The following GLIPR1L1 variants were observed in gnomAD, a reference collection of about 807,000 sequenced individuals.
GLIPR1L1 encodes GLIPR1 like 1, also known as GLIPR1-like protein 1.
Under a neutral mutation model 29.9 loss-of-function variants are expected in GLIPR1L1, and 26 were observed. That is an observed-to-expected ratio of 0.87 (90% CI 0.64 to 1.21). GLIPR1L1 has a LOEUF of 1.21. GLIPR1L1 is among the 50% of genes most tolerant of loss of function. The pLI, the probability that GLIPR1L1 is intolerant of heterozygous loss-of-function variation, is 0.00. For missense variants in GLIPR1L1, 305 were observed against 290.3 expected (o/e 1.05, Z -0.37); for synonymous variants, 77 against 97.5 (o/e 0.79, Z 1.24).
chr12:75,354,317 A>G (rs2043009528), intron 3 of GLIPR1L1, among the ~76,000 whole-genome samples: 1 of 152,100 alleles, frequency 6.6e-6, no homozygotes, highest in Admixed American at 6.6e-5. Context: ...AAAAAGTCAC[A>G]AGCATTCCTG....
chr12:75,334,917 G>A lies in GLIPR1L1; in HGVS notation c.174+15G>A, dbSNP rs761650107. On this transcript the variant is annotated intron_variant, in intron 1 of 5. Coordinates refer to ENST00000378695, the MANE Select transcript of GLIPR1L1 (RefSeq NM_001304964.2). ...TGAAATACATGGTGAGAAAGAACCA[G>A]GGCTGGGCTCTTAAATCCCTGACTC... The A allele has an allele frequency of 6.2e-7, 1 of 1,610,062 alleles. No homozygotes were observed. The highest frequency in any genetic ancestry group is 8.5e-7 in the Non-Finnish European group (1 of 1,177,756).
At chr12:75,365,347 GA>G (rs1305448485) in intron 4 of GLIPR1L1, 1 of 152,102 alleles carries the variant, frequency 6.6e-6, no homozygotes, top group Non-Finnish European at 1.5e-5. Context: ...ACAGAAAAAG[GA>G]AAGTATTCAT....
rs1185408752 is a variant in GLIPR1L1 at position 75,341,747 on chromosome 12, CTTTTTTTT to C, written c.175-1929_175-1922del. 1.3e-4 allele frequency among the ~76,000 whole-genome samples: 11 copies of C among 83,406 alleles called. No homozygotes were observed. In the South Asian group the frequency reaches 4.1e-3, roughly 31 times the overall value. 54.7% of individuals were successfully genotyped at this position (83,406 alleles called of 152,430 possible). On this transcript the variant is annotated intron_variant, in intron 1 of 5. Transcript: ENST00000378695. ...AGGCGTGAGCCACCGCGCCCGGCCT[CTTTTTTTT>C]TTTTTTTTTTTTTTTTGAGATGGAG...
At chr12:75,335,513 C>T (rs951072978) in intron 1 of GLIPR1L1, among the ~76,000 whole-genome samples, 1 of 152,104 alleles carries the variant, frequency 6.6e-6, no homozygotes, top group Non-Finnish European at 1.5e-5. Context: ...TTTATAAATG[C>T]ATCACTATGA....
At chr12:75,346,143 A>G (rs2042429746) in intron 2 of GLIPR1L1, among the ~76,000 whole-genome samples, 1 of 152,228 alleles carries the variant, frequency 6.6e-6, no homozygotes, top group South Asian at 2.1e-4. Context: ...CACGATTCCA[A>G]AAGCCCCAAA....
intron 3 of GLIPR1L1, among the ~76,000 whole-genome samples, chr12:75,361,763 C>T (rs144582023): frequency 1.0e-3 from 153 of 152,222 alleles, no homozygotes; most frequent in African/African-American, 3.5e-3. Flanking sequence ...ATAAGAACAG[C>T]ATGAGGGAAA....
Position 75,370,122 on chromosome 12 carries a change from G to T in GLIPR1L1, c.675G>T (p.Gln225His), listed in dbSNP as rs1247627123. ...PFLKPTGRAP[Q>H]QTAFNPFSLG... ...TGAAGCCAACGGGGAGAGCACCTCA[G>T]CAGACAGCCTTTAATCCATTCAGCT... The change falls in exon 6 of 6, where the codon CAG becomes CAT. Residue 225 changes from glutamine (Q) to histidine (H), a missense_variant. Coordinates refer to ENST00000378695, the MANE Select transcript of GLIPR1L1 (RefSeq NM_001304964.2). 6.2e-7 allele frequency: 1 copy of T among 1,608,158 alleles called. No individual in the cohort carries two copies. Among genetic ancestry groups the T allele is most frequent in the Admixed American group, 1.7e-5 (1 of 59,988 alleles).
chr12:75,347,605 A>G lies in GLIPR1L1; in HGVS notation c.421-17A>G. The G allele has an allele frequency of 6.6e-7, 1 of 1,524,682 alleles. No individual in the cohort carries two copies. The highest frequency in any genetic ancestry group is 9.1e-7 in the Non-Finnish European group (1 of 1,100,778). 94.4% of individuals were successfully genotyped at this position (1,524,682 alleles called of 1,614,324 possible). A position where few individuals can be genotyped will look rare whatever the true frequency, so the allele number is the denominator to read the frequency against. On this transcript the variant is annotated splice_polypyrimidine_tract_variant and intron_variant, in intron 2 of 5. Coordinates refer to ENST00000378695, the MANE Select transcript of GLIPR1L1 (RefSeq NM_001304964.2). ...ATTGTTTTCCATATTTTATCTTGAC[A>G]TTCCTTTTCTTTATAGTTAGTTTGG... is the stretch of plus-strand genomic sequence containing the variant.
At chr12:75,362,423 T>A (rs2043658742) in intron 3 of GLIPR1L1, among the ~76,000 whole-genome samples, 1 of 152,180 alleles carries the variant, frequency 6.6e-6, no homozygotes, top group Non-Finnish European at 1.5e-5. Flanking sequence ...TAATGATGTA[T>A]GTATGAATGC....
Position 75,343,899 on chromosome 12 carries a change from T to TA in GLIPR1L1, c.382dup (p.Ser128LysfsTer31). The TA allele has an allele frequency of 1.2e-6, 2 of 1,611,560 alleles. No individual in the cohort carries two copies. Among genetic ancestry groups the TA allele is most frequent in the Non-Finnish European group, 1.7e-6 (2 of 1,177,950 alleles). On this transcript the variant is annotated frameshift_variant, in exon 2 of 6. Transcript: ENST00000378695. LOFTEE classifies it high-confidence loss of function. The stretch of plus-strand genomic sequence containing the variant: ...ATGAAACCCAATTTTATGATTTTGA[T>TA]AGTCTATCATGCTCCAGAGTCTGTG...
chr12:75,337,785 G>T lies in GLIPR1L1; in HGVS notation c.174+2883G>T, dbSNP rs377542554. Among the ~76,000 whole-genome samples, 7 of 151,856 alleles carry T rather than the reference G, an allele frequency of 4.6e-5. No individual in the cohort carries two copies. The East Asian group carries it at 1.2e-3, about 25-fold the overall frequency. ...AATCCTTGAACTTTGCCTAATAAAAGTATTGCTTATTTTTTTATTTCTTTG... is the reference window on the plus strand; with the variant it reads ...AATCCTTGAACTTTGCCTAATAAAATTATTGCTTATTTTTTTATTTCTTTG... On this transcript the variant is annotated intron_variant, in intron 1 of 5. Transcript: ENST00000378695.
At chr12:75,338,580 T>C (rs1191936012) in intron 1 of GLIPR1L1, among the ~76,000 whole-genome samples, 1 of 151,820 alleles carries the variant, frequency 6.6e-6, no homozygotes, top group African/African-American at 2.4e-5. Context: ...TTTGGTTGCA[T>C]GGAAAAGTTA....
In GLIPR1L1 at chr12:75,363,675, A is replaced by G. The variant is rs2043772281; in HGVS notation, c.610+485A>G. Reference sequence around the variant, plus strand: ...AATTTTGGGCAGTGAGGCCAGAGGAAAAAAAAATGGAGCCATGTGTCAACA... The same window carrying G: ...AATTTTGGGCAGTGAGGCCAGAGGAGAAAAAAATGGAGCCATGTGTCAACA... On this transcript the variant is annotated intron_variant, in intron 4 of 5. Transcript: ENST00000378695. Among the ~76,000 whole-genome samples the G allele has an allele frequency of 2.0e-5, 3 of 152,136 alleles. No homozygotes were observed. The South Asian group carries it at 6.2e-4, about 32-fold the overall frequency.
At chr12:75,340,044 C>T (rs1167099217) in intron 1 of GLIPR1L1, among the ~76,000 whole-genome samples, 1 of 151,990 alleles carries the variant, frequency 6.6e-6, no homozygotes, top group Non-Finnish European at 1.5e-5. Context: ...GAATAATGGT[C>T]TCCAACTCCA....
chr12:75,347,034 G>A (rs899794237), intron 2 of GLIPR1L1, among the ~76,000 whole-genome samples: 2 of 151,068 alleles, frequency 1.3e-5, no homozygotes, highest in African/African-American at 4.9e-5. Flanking sequence ...TTCCATAGAA[G>A]TCTTCTTCCT....
intron 3 of GLIPR1L1, among the ~76,000 whole-genome samples, chr12:75,354,906 C>T (rs1312640275): frequency 6.6e-6 from 1 of 152,154 alleles, no homozygotes; most frequent in Non-Finnish European, 1.5e-5. Context: ...ATAGATGGTG[C>T]TGGGAGAACA....
At chr12:75,335,935 T>C (rs1593635140) in intron 1 of GLIPR1L1, among the ~76,000 whole-genome samples, 2 of 151,812 alleles carry the variant, frequency 1.3e-5, no homozygotes, top group Admixed American at 1.3e-4. Flanking sequence ...TAAAAAAGAG[T>C]AAATGTGGGG....
At chr12:75,361,086 G>A (rs2043553265) in intron 3 of GLIPR1L1, 1 of 152,318 alleles carries the variant, frequency 6.6e-6, no homozygotes, top group African/African-American at 2.4e-5. Flanking sequence ...AAATGTGGCA[G>A]GAAGGGGATG....
chr12:75,347,648 C>A lies in GLIPR1L1; in HGVS notation c.447C>A (p.Val149=). 1 of 1,608,418 alleles carries A rather than the reference C, an allele frequency of 6.2e-7. No homozygotes were observed. The highest frequency in any genetic ancestry group is 8.5e-7 in the Non-Finnish European group (1 of 1,176,298). ...TQLVWANSFY[V]GCAVAMCPNL... Reference sequence around the variant, plus strand: ...TAGTTTGGGCCAATTCATTTTATGTCGGTTGTGCAGTTGCAATGTGTCCTA... The same window carrying A: ...TAGTTTGGGCCAATTCATTTTATGTAGGTTGTGCAGTTGCAATGTGTCCTA... Residue 149 remains valine, a synonymous_variant, in exon 3 of 6, where the codon GTC becomes GTA. Coordinates refer to ENST00000378695, the MANE Select transcript of GLIPR1L1 (RefSeq NM_001304964.2).
Sources: allele counts gnomAD v4.1 joint callset (sites outside exome capture counted in the v4.1 genomes callset), GRCh38; gene constraint gnomAD v4.1.1; transcripts MANE v1.5; gene names NCBI Gene and HGNC (gene_info 2026-07-23, HGNC 2026-07-21).